The following IL12RB2 variants were observed in gnomAD, a reference collection of about 807,000 sequenced individuals.
IL12RB2 encodes interleukin-12 receptor subunit beta-2.
Under a neutral mutation model 89.4 loss-of-function variants are expected in IL12RB2, and 82 were observed. That is an observed-to-expected ratio of 0.92 (90% CI 0.77 to 1.10). IL12RB2 has a LOEUF of 1.10. Ranked by LOEUF, IL12RB2 falls within the 50% of genes least tolerant of loss-of-function variation. IL12RB2 has a pLI of 0.00. For missense variants in IL12RB2, 963 were observed against 1,031.9 expected (o/e 0.93, Z 0.92); for synonymous variants, 368 against 370.1 (o/e 0.99, Z 0.07).
chr1:67,390,700 G>A (rs1054577632), intron 16 of IL12RB2, among the ~76,000 whole-genome samples: 4 of 152,094 alleles, frequency 2.6e-5, no homozygotes, highest in Admixed American at 2.0e-4. Flanking sequence ...GAAGGGAACT[G>A]CTGCAGCCCA....
At chr1:67,386,872 TTATATATATA>T (rs1179774666) in intron 15 of IL12RB2, among the ~76,000 whole-genome samples, 492 of 48,438 alleles carry the variant, frequency 0.01, 8 homozygotes, top group African/African-American at 0.026. Flanking sequence ...GAAATGTATT[TTATATATATA>T]TATATATATA....
At chr1:67,369,023 T>C (rs1663004977) in intron 11 of IL12RB2, among the ~76,000 whole-genome samples, 1 of 152,172 alleles carries the variant, frequency 6.6e-6, no homozygotes, top group Non-Finnish European at 1.5e-5. Context: ...TAGGAGGAAA[T>C]ACACACCCTG....
chr1:67,321,565 A>C (rs1656529711), intron 3 of IL12RB2, 37 bp from the exon 4 acceptor site: 2 of 1,411,548 alleles, frequency 1.4e-6, no homozygotes, highest in Admixed American at 1.7e-5. Flanking sequence ...TGGGTTTATT[A>C]TCACCAACTA....
chr1:67,379,367 G>A (rs1269149674), intron 13 of IL12RB2, among the ~76,000 whole-genome samples: 16 of 134,818 alleles, frequency 1.2e-4, no homozygotes, highest in East Asian at 2.3e-4. Context: ...AAAATTAGCT[G>A]GGCATGGTGG....
rs755553813 is a variant in IL12RB2, at chr1:67,338,692, C to T, written c.1027C>T (p.Leu343Phe). 12 of 1,509,574 alleles carry T rather than the reference C, an allele frequency of 7.9e-6. No individual in the cohort carries two copies. Among genetic ancestry groups the T allele is most frequent in the Non-Finnish European group, 1.1e-5 (12 of 1,084,606 alleles). The allele number at this position is 1,509,574 out of a possible 1,614,324, so 93.5% of individuals were successfully genotyped here. Reference protein sequence around the residue: ...HIDYSRQQISLFWKNLSVSEA... With the variant: ...HIDYSRQQISFFWKNLSVSEA... ...TGACTACAGTAGACAACAGATTTCT[C>T]TTTTCTGGAAGGTGAGTTTTAAGCG... Residue 343 changes from leucine to phenylalanine, a missense_variant, in exon 9 of 17, where the codon CTT (leucine) becomes TTT (phenylalanine). By Grantham distance (22) the Leu-to-Phe change is conservative (BLOSUM62 0). Transcript: ENST00000674203.
intron 9 of IL12RB2, among the ~76,000 whole-genome samples, chr1:67,343,894 G>A (rs943696684): frequency 1.3e-5 from 2 of 152,178 alleles, no homozygotes; most frequent in Non-Finnish European, 2.9e-5. Context: ...TCATTCATTT[G>A]CTCAAACAAA....
At chr1:67,340,867 G>A (rs562005644) in intron 9 of IL12RB2, among the ~76,000 whole-genome samples, 8 of 152,218 alleles carry the variant, frequency 5.3e-5, no homozygotes, top group African/African-American at 1.9e-4. Flanking sequence ...TGAGGTCTTG[G>A]AATTTGGAGG....
intron 13 of IL12RB2, 105 bp downstream of exon 13, chr1:67,372,888 C>T (rs1663528954): frequency 1.2e-6 from 1 of 808,340 alleles, no homozygotes; most frequent in African/African-American, 1.7e-5. Flanking sequence ...TAGCGCAATG[C>T]CTGGCATATA....
intron 1 of IL12RB2, among the ~76,000 whole-genome samples, chr1:67,313,112 A>C (rs928459901): frequency 2.6e-5 from 4 of 152,274 alleles, no homozygotes; most frequent in Non-Finnish European, 4.4e-5. Flanking sequence ...AATGAAAAAC[A>C]GTTCATTTTC....
In IL12RB2 at chr1:67,396,200, T is replaced by A. The variant is rs1159966625; in HGVS notation, c.*111T>A. ...TCATCTCTGGGTGCCACCATCGGTC[T>A]GGCTGCAGCTAGAGGACAGGCAAGC... On this transcript the variant is annotated 3_prime_UTR_variant, in exon 17 of 17. Transcript: ENST00000674203. 1 of 799,008 alleles carries A rather than the reference T, an allele frequency of 1.3e-6. No homozygotes were observed. The highest frequency in any genetic ancestry group is 1.7e-5 in the African/African-American group (1 of 59,824). 49.5% of individuals were successfully genotyped at this position (799,008 alleles called of 1,614,324 possible). A position where few individuals can be genotyped will look rare whatever the true frequency, so the allele number is the denominator to read the frequency against.
At chr1:67,387,311 C>A (rs1665305947) in intron 15 of IL12RB2, among the ~76,000 whole-genome samples, 1 of 152,000 alleles carries the variant, frequency 6.6e-6, no homozygotes, top group Non-Finnish European at 1.5e-5. Flanking sequence ...ATATTTGAGA[C>A]AACCTAAACG....
chr1:67,340,929 T>C (rs1344263975), intron 9 of IL12RB2, among the ~76,000 whole-genome samples: 1 of 152,212 alleles, frequency 6.6e-6, no homozygotes, highest in Admixed American at 6.5e-5. Flanking sequence ...ACATGGCTCC[T>C]ACTCCTGCCA....
chr1:67,374,012 C>T (rs571930386), intron 13 of IL12RB2, among the ~76,000 whole-genome samples: 20 of 152,112 alleles, frequency 1.3e-4, no homozygotes, highest in South Asian at 4.1e-4. Context: ...AAAGAAAATT[C>T]GTCTTCCCTT....
chr1:67,354,571 T>A (rs1661181152), intron 10 of IL12RB2, among the ~76,000 whole-genome samples: 1 of 151,718 alleles, frequency 6.6e-6, no homozygotes, highest in Non-Finnish European at 1.5e-5. Context: ...GTTAAGAGGG[T>A]CTTAGAAGTG....
intron 9 of IL12RB2, among the ~76,000 whole-genome samples, chr1:67,344,699 G>A (rs1660024237): frequency 6.6e-6 from 1 of 152,152 alleles, no homozygotes; most frequent in South Asian, 2.1e-4. Flanking sequence ...ATCCTACCAA[G>A]TTTTCAAAAA....
intron 13 of IL12RB2, among the ~76,000 whole-genome samples, chr1:67,374,642 A>G (rs1362175705): frequency 6.6e-6 from 1 of 151,756 alleles, no homozygotes; most frequent in Non-Finnish European, 1.5e-5. Flanking sequence ...TGCCCTGCTA[A>G]TTTTTGTATT....
intron 14 of IL12RB2, 41 bp downstream of exon 14, chr1:67,380,164 C>T: frequency 6.2e-7 from 1 of 1,602,842 alleles, no homozygotes; most frequent in Non-Finnish European, 8.5e-7. Context: ...ACCCTGGATT[C>T]TTGCACAGGC....
intron 8 of IL12RB2, among the ~76,000 whole-genome samples, chr1:67,335,162 GT>G (rs1251687063): frequency 6.6e-6 from 1 of 152,190 alleles, no homozygotes; most frequent in African/African-American, 2.4e-5. Context: ...TGTTGTTTTT[GT>G]TTTTAGGATC....
intron 4 of IL12RB2, among the ~76,000 whole-genome samples, chr1:67,325,418 T>G (rs1657154810): frequency 6.6e-6 from 1 of 152,134 alleles, no homozygotes; most frequent in Non-Finnish European, 1.5e-5. Context: ...TGTGCCACCA[T>G]ACCCAGCTAA....
Sources: allele counts gnomAD v4.1 joint callset (sites outside exome capture counted in the v4.1 genomes callset), GRCh38; gene constraint gnomAD v4.1.1; transcripts MANE v1.5; gene names NCBI Gene and HGNC (gene_info 2026-07-23, HGNC 2026-07-21).